KLHL1: variants seen among roughly 807,000 people sequenced by gnomAD.
KLHL1 encodes kelch-like protein 1.
KLHL1 carries 47 observed loss-of-function variants against 77.7 expected under a neutral mutation model. That is an observed-to-expected ratio of 0.60 (90% CI 0.48 to 0.77). The LOEUF is 0.77. KLHL1 is among the 30% of genes least tolerant of loss of function. The pLI, the probability that KLHL1 is intolerant of heterozygous loss-of-function variation, is 0.00. For synonymous variants in KLHL1, 360 were observed against 325.2 expected (o/e 1.11, Z -1.15); for missense variants, 925 against 910.8 (o/e 1.02, Z -0.20).
At chr13:70,042,384 G>C (rs1291928365) in intron 1 of KLHL1, among the ~76,000 whole-genome samples, 2 of 152,044 alleles carry the variant, frequency 1.3e-5, no homozygotes, top group African/African-American at 2.4e-5. Flanking sequence ...TATATTCTTA[G>C]AAGCCTGGCT....
intron 4 of KLHL1, among the ~76,000 whole-genome samples, chr13:69,929,324 G>C (rs1162886530): frequency 2.6e-5 from 4 of 151,564 alleles, no homozygotes; most frequent in African/African-American, 9.7e-5. Context: ...ATTCAAAGTA[G>C]GTATTGAAAT....
intron 1 of KLHL1, among the ~76,000 whole-genome samples, chr13:70,023,047 A>G (rs138899217): frequency 8.0e-4 from 122 of 152,064 alleles, no homozygotes; most frequent in Middle Eastern, 3.4e-3. Context: ...ATGTTCTTCC[A>G]TGTTTTTCAG....
chr13:69,981,736 T>C (rs911335163), intron 1 of KLHL1, among the ~76,000 whole-genome samples: 55 of 151,660 alleles, frequency 3.6e-4, no homozygotes, highest in Non-Finnish European at 4.0e-4. Context: ...CACATTATTT[T>C]AAACAACATA....
intron 4 of KLHL1, among the ~76,000 whole-genome samples, chr13:69,903,639 T>C (rs113638796): frequency 2.8e-5 from 3 of 109,076 alleles, no homozygotes; most frequent in African/African-American, 1.1e-4. Context: ...TCTTTTTTTT[T>C]TTTTTTTTTT....
At chr13:70,035,965 A>G (rs1886228601) in intron 1 of KLHL1, among the ~76,000 whole-genome samples, 1 of 152,072 alleles carries the variant, frequency 6.6e-6, no homozygotes, top group South Asian at 2.1e-4. Flanking sequence ...ATTATGTAAT[A>G]CATTATTATT....
intron 8 of KLHL1, among the ~76,000 whole-genome samples, chr13:69,738,327 A>G (rs1223026329): frequency 6.6e-6 from 1 of 152,186 alleles, no homozygotes; most frequent in Admixed American, 6.5e-5. Context: ...TCAAAAAGCC[A>G]GAGTGCTTCT....
At chr13:70,057,491 A>G (rs1189261423) in intron 1 of KLHL1, among the ~76,000 whole-genome samples, 6 of 132,980 alleles carry the variant, frequency 4.5e-5, no homozygotes, top group Non-Finnish European at 9.8e-5. Flanking sequence ...AAAAAAAAAA[A>G]AGAGGCCGGG....
chr13:70,000,981 A>G (rs1265555582), intron 1 of KLHL1, among the ~76,000 whole-genome samples: 1 of 151,394 alleles, frequency 6.6e-6, no homozygotes, highest in East Asian at 1.9e-4. Context: ...TGATGACAGG[A>G]AAGTAATTGG....
chr13:69,813,063 C>T (rs200133800), intron 6 of KLHL1, among the ~76,000 whole-genome samples: 60,277 of 149,658 alleles, frequency 0.4, 12,622 homozygotes, highest in African/African-American at 0.51. Context: ...AGCAAAGACT[C>T]GGAACCAACC....
intron 6 of KLHL1, among the ~76,000 whole-genome samples, chr13:69,827,450 G>A (rs1878590414): frequency 6.6e-6 from 1 of 151,994 alleles, no homozygotes; most frequent in Non-Finnish European, 1.5e-5. Context: ...CTTAGTGAGT[G>A]TCAGGGCATG....
In KLHL1 at chr13:69,996,910, A is replaced by ATTTTTTTTTT. The variant is rs10549532; in HGVS notation, c.498-21118_498-21109dup. Among the ~76,000 whole-genome samples the ATTTTTTTTTT allele has an allele frequency of 9.0e-3, 644 of 71,218 alleles. 38 individuals are homozygous for ATTTTTTTTTT. Among genetic ancestry groups the ATTTTTTTTTT allele is most frequent in the African/African-American group, 0.014 (255 of 17,756 alleles). The allele number at this position is 71,218 out of a possible 152,430, so 46.7% of individuals were successfully genotyped here. A position where few individuals can be genotyped will look rare whatever the true frequency, so the allele number is the denominator to read the frequency against. ...GAAAAGTTCTTATTTTATTCATTAAATTTTTTTTTTTTTTTTTTTTTTTTT... is the reference window on the plus strand; with the variant it reads ...GAAAAGTTCTTATTTTATTCATTAAATTTTTTTTTTTTTTTTTTTTTTTTTTTTTTTTTTT... On this transcript the variant is annotated intron_variant, in intron 1 of 10. Coordinates refer to ENST00000377844, the MANE Select transcript of KLHL1 (RefSeq NM_020866.3).
Position 69,882,426 on chromosome 13 carries a change from G to C in KLHL1, c.1084C>G (p.Leu362Val). The C allele has an allele frequency of 6.2e-7, 1 of 1,613,896 alleles. No homozygotes were observed. The highest frequency in any genetic ancestry group is 8.5e-7 in the Non-Finnish European group (1 of 1,179,782). Residue 362 changes from leucine (L) to valine (V), a missense_variant, in exon 5 of 11, where the codon CTG becomes GTG. Coordinates refer to ENST00000377844, the MANE Select transcript of KLHL1 (RefSeq NM_020866.3). ...LLPAEELHKL[L>V]ASDDVNVPDE... The stretch of plus-strand genomic sequence containing the variant: ...GGAACATTGACATCATCACTGGCCA[G>C]TAGTTTATGGAGCTCCTCAGCTGGA...
intron 4 of KLHL1, chr13:69,895,036 G>A (rs1053226467): frequency 3.4e-5 from 17 of 505,420 alleles, no homozygotes; most frequent in Admixed American, 2.7e-4. Flanking sequence ...CTCTTCCAAG[G>A]TTCCTACTGA....
At chr13:70,034,418 C>T (rs1186171161) in intron 1 of KLHL1, among the ~76,000 whole-genome samples, 3 of 152,136 alleles carry the variant, frequency 2.0e-5, no homozygotes, top group Non-Finnish European at 2.9e-5. Flanking sequence ...GGATCTCCAT[C>T]TGTCTGCTGA....
At chr13:69,778,792 C>CTTTTTTTTT (rs1172258314) in intron 7 of KLHL1, among the ~76,000 whole-genome samples, 3 of 99,214 alleles carry the variant, frequency 3.0e-5, no homozygotes, top group South Asian at 3.2e-4. Context: ...TATTCCCTCT[C>CTTTTTTTTT]TTTTTTTTTT....
intron 6 of KLHL1, among the ~76,000 whole-genome samples, chr13:69,804,899 T>C (rs192820072): frequency 1.3e-5 from 2 of 152,084 alleles, no homozygotes; most frequent in Non-Finnish European, 2.9e-5. Context: ...AATCAAAAAA[T>C]TTTTTATGAT....
At chr13:69,822,726 T>C (rs961402463) in intron 6 of KLHL1, among the ~76,000 whole-genome samples, 8 of 152,148 alleles carry the variant, frequency 5.3e-5, no homozygotes, top group Admixed American at 2.6e-4. Flanking sequence ...TAGTATAATA[T>C]TTGTGAAAAA....
intron 7 of KLHL1, among the ~76,000 whole-genome samples, chr13:69,751,694 C>T (rs1874488467): frequency 6.6e-6 from 1 of 152,000 alleles, no homozygotes; most frequent in Non-Finnish European, 1.5e-5. Context: ...TTATTTTATC[C>T]TAAGAGTAAT....
chr13:69,899,966 A>C (rs997680622), intron 4 of KLHL1, among the ~76,000 whole-genome samples: 1 of 152,112 alleles, frequency 6.6e-6, no homozygotes, highest in African/African-American at 2.4e-5. Flanking sequence ...TGGACTTAAA[A>C]ATATGAGCTT....
Sources: allele counts gnomAD v4.1 joint callset (sites outside exome capture counted in the v4.1 genomes callset), GRCh38; gene constraint gnomAD v4.1.1; transcripts MANE v1.5; gene names NCBI Gene and HGNC (gene_info 2026-07-23, HGNC 2026-07-21).